The following SNX29 variants were observed in gnomAD, a reference collection of about 807,000 sequenced individuals.
SNX29 encodes sorting nexin-29.
A neutral mutation model predicts 102.1 loss-of-function variants in SNX29; 78 were observed. The ratio of observed to expected loss-of-function variants is 0.76; its 90% CI spans 0.64 to 0.92. The LOEUF is 0.92. SNX29 is among the 40% of genes least tolerant of loss of function. The pLI is 0.00. For missense variants in SNX29, 1,280 were observed against 1,061.7 expected (o/e 1.21, Z -2.86); for synonymous variants, 580 against 414.5 (o/e 1.40, Z -4.85).
intron 15 of SNX29, among the ~76,000 whole-genome samples, chr16:12,299,804 A>ACTAC (rs2080105707): frequency 6.9e-6 from 1 of 145,120 alleles, no homozygotes; most frequent in African/African-American, 2.6e-5. Flanking sequence ...TTTTTACTTA[A>ACTAC]CTACCTTGAT....
At chr16:12,180,003 A>G (rs564265078) in intron 13 of SNX29, among the ~76,000 whole-genome samples, 1 of 152,230 alleles carries the variant, frequency 6.6e-6, no homozygotes, top group African/African-American at 2.4e-5. Context: ...AGTCTCTTTC[A>G]ATGTGGAACT....
chr16:12,109,930 C>T (rs1264319499), intron 11 of SNX29, among the ~76,000 whole-genome samples: 1 of 152,118 alleles, frequency 6.6e-6, no homozygotes, highest in African/African-American at 2.4e-5. Context: ...AGAGTTTCAC[C>T]ACGTTGGCCA....
At chr16:12,296,535 TC>T (rs1181943611) in intron 15 of SNX29, among the ~76,000 whole-genome samples, 1 of 152,234 alleles carries the variant, frequency 6.6e-6, no homozygotes, top group Non-Finnish European at 1.5e-5. Context: ...GGCCATGTGA[TC>T]CCCTGCCATT....
chr16:12,524,029 C>T (rs752863063), intron 19 of SNX29, among the ~76,000 whole-genome samples: 7 of 152,126 alleles, frequency 4.6e-5, no homozygotes, highest in Admixed American at 3.3e-4. Context: ...ATTACAGGAA[C>T]GTGCCACTAC....
intron 9 of SNX29, among the ~76,000 whole-genome samples, chr16:12,066,108 T>A (rs867407055): frequency 6.6e-6 from 1 of 152,092 alleles, no homozygotes; most frequent in East Asian, 1.9e-4. Context: ...AGCGCTCTCA[T>A]TGAAGGCTGG....
intron 15 of SNX29, among the ~76,000 whole-genome samples, chr16:12,318,000 G>T (rs1341288538): frequency 6.6e-6 from 1 of 152,216 alleles, no homozygotes; most frequent in Non-Finnish European, 1.5e-5. Context: ...TGGCTGAGGC[G>T]GTGGTTGTCA....
At chr16:12,321,234 C>T (rs919646407) in intron 15 of SNX29, among the ~76,000 whole-genome samples, 4 of 152,190 alleles carry the variant, frequency 2.6e-5, no homozygotes, top group Non-Finnish European at 4.4e-5. Context: ...CCCCTTAGTT[C>T]CCCACGCAGG....
intron 11 of SNX29, among the ~76,000 whole-genome samples, chr16:12,100,459 A>G (rs957727125): frequency 6.6e-6 from 1 of 152,106 alleles, no homozygotes; most frequent in African/African-American, 2.4e-5. Context: ...AGCAGAAGAG[A>G]CATGTCAGGT....
intron 14 of SNX29, among the ~76,000 whole-genome samples, chr16:12,219,234 G>T (rs1162122759): frequency 6.6e-6 from 1 of 151,714 alleles, no homozygotes; most frequent in Non-Finnish European, 1.5e-5. Flanking sequence ...TATATCGTCA[G>T]TTGTCATCTT....
rs75040962 is a variant in SNX29 at position 12,128,860 on chromosome 16, T to A, written c.1467-770T>A. Among the ~76,000 whole-genome samples the A allele has an allele frequency of 5.6e-3, 853 of 152,290 alleles. 9 individuals carry two copies. The highest frequency in any genetic ancestry group is 0.02 in the African/African-American group (815 of 41,564). On this transcript the variant is annotated intron_variant, in intron 12 of 20. Transcript: ENST00000566228. ...CCAGAAACAGCCAGGTAGAATGAAG[T>A]AAATGGTTAGCAGCACCATGGTTGG...
intron 14 of SNX29, among the ~76,000 whole-genome samples, chr16:12,236,437 T>G (rs2142246004): frequency 6.6e-6 from 1 of 152,322 alleles, no homozygotes; most frequent in Middle Eastern, 3.4e-3. Context: ...GCTGAACTAC[T>G]TGGGATTAAG....
intron 20 of SNX29, among the ~76,000 whole-genome samples, chr16:12,535,162 A>C (rs753167870): frequency 2.6e-5 from 4 of 152,286 alleles, no homozygotes; most frequent in Non-Finnish European, 4.4e-5. Flanking sequence ...TCTTTGAGAC[A>C]GAGTCTCACT....
chr16:12,546,063 C>T (rs940366315), intron 20 of SNX29, among the ~76,000 whole-genome samples: 9 of 152,146 alleles, frequency 5.9e-5, no homozygotes, highest in African/African-American at 2.2e-4. Flanking sequence ...GTGAAGCAGT[C>T]CTGGGTTTGA....
intron 4 of SNX29, among the ~76,000 whole-genome samples, chr16:12,034,981 A>T (rs1316897154): frequency 1.3e-5 from 2 of 152,080 alleles, no homozygotes; most frequent in East Asian, 3.9e-4. Flanking sequence ...CTGGCACTCC[A>T]GCCTGGGCGA....
At chr16:12,069,519 C>T (rs978129508) in intron 10 of SNX29, among the ~76,000 whole-genome samples, 2 of 152,126 alleles carry the variant, frequency 1.3e-5, no homozygotes, top group Non-Finnish European at 2.9e-5. Context: ...CTGCCCACCT[C>T]GGCCTCCCAA....
At chr16:12,028,593 G>C (rs1439864916) in intron 4 of SNX29, among the ~76,000 whole-genome samples, 1 of 150,264 alleles carries the variant, frequency 6.7e-6, no homozygotes, top group Admixed American at 6.6e-5. Context: ...CAAACTCCTA[G>C]GCTCAAGTGA....
At chr16:12,139,174 G>A (rs980810075) in intron 13 of SNX29, among the ~76,000 whole-genome samples, 1 of 140,518 alleles carries the variant, frequency 7.1e-6, no homozygotes, top group African/African-American at 2.7e-5. Flanking sequence ...TCCAGAGCCT[G>A]GGCGATAGAG....
At chr16:12,525,423 A>G (rs1175130852) in intron 20 of SNX29, among the ~76,000 whole-genome samples, 2 of 152,184 alleles carry the variant, frequency 1.3e-5, no homozygotes, top group Non-Finnish European at 2.9e-5. Context: ...CTGTAATCCC[A>G]GCACTCTGGG....
At chr16:12,443,827 T>C (rs2085917630) in intron 18 of SNX29, among the ~76,000 whole-genome samples, 1 of 152,268 alleles carries the variant, frequency 6.6e-6, no homozygotes, top group Non-Finnish European at 1.5e-5. Flanking sequence ...AGTTAGTCTG[T>C]CTGAGCCTCA....
Sources: allele counts gnomAD v4.1 joint callset (sites outside exome capture counted in the v4.1 genomes callset), GRCh38; gene constraint gnomAD v4.1.1; transcripts MANE v1.5; gene names NCBI Gene and HGNC (gene_info 2026-07-23, HGNC 2026-07-21).